The following BCAT1 variants were observed in gnomAD, a reference collection of about 807,000 sequenced individuals.
The protein encoded by BCAT1 is branched chain amino acid transaminase 1.
A neutral mutation model predicts 52.4 loss-of-function variants in BCAT1; 48 were observed. The ratio of observed to expected loss-of-function variants is 0.92; its 90% CI spans 0.73 to 1.16. The LOEUF is 1.16. Ranked by LOEUF, BCAT1 falls within the 50% of genes most tolerant of loss-of-function variation. The probability of loss-of-function intolerance (pLI) is 0.00; values close to 1 mark genes in which losing one functional copy is unlikely to be tolerated. For missense variants in BCAT1, 451 were observed against 457.1 expected (o/e 0.99, Z 0.12); for synonymous variants, 167 against 161.3 (o/e 1.04, Z -0.27).
intron 1 of BCAT1, chr12:24,902,402 C>T (rs1036684705): frequency 6.3e-6 from 7 of 1,105,314 alleles, no homozygotes; most frequent in Non-Finnish European, 7.7e-6. Context: ...CACCTTAAAC[C>T]TCATGGTATT....
At chr12:24,930,762 A>C (rs1232390361) in intron 1 of BCAT1, among the ~76,000 whole-genome samples, 1 of 151,958 alleles carries the variant, frequency 6.6e-6, no homozygotes, top group Admixed American at 6.6e-5. Context: ...TAAATTGGAG[A>C]TAAGTTAGAG....
intron 5 of BCAT1, among the ~76,000 whole-genome samples, chr12:24,873,367 G>A (rs1942237401): frequency 6.6e-6 from 1 of 152,106 alleles, no homozygotes; most frequent in South Asian, 2.1e-4. Context: ...TTAAAATGCT[G>A]CTATAATCCT....
At chr12:24,833,822 CTTT>C (rs745348842) in intron 8 of BCAT1, 4 of 137,784 alleles carry the variant, frequency 2.9e-5, no homozygotes, top group Non-Finnish European at 1.6e-5. Context: ...TTGTCTCTTT[CTTT>C]TTTTTTTTTT....
chr12:24,858,880 G>A (rs1188630264), intron 5 of BCAT1, among the ~76,000 whole-genome samples: 1 of 152,198 alleles, frequency 6.6e-6, no homozygotes, highest in Non-Finnish European at 1.5e-5. Context: ...AAAGCTAAAG[G>A]TTTGAGTAAG....
At chr12:24,946,949 A>G (rs1458669892) in intron 1 of BCAT1, among the ~76,000 whole-genome samples, 2 of 152,208 alleles carry the variant, frequency 1.3e-5, no homozygotes, top group East Asian at 3.8e-4. Flanking sequence ...TCTGAAATCC[A>G]GTGAAATTAC....
chr12:24,820,108 T>A (rs1220790893), intron 10 of BCAT1, among the ~76,000 whole-genome samples: 1 of 152,196 alleles, frequency 6.6e-6, no homozygotes, highest in Non-Finnish European at 1.5e-5. Flanking sequence ...TTAAAGTAAA[T>A]TTGCTTTCAA....
chr12:24,832,754 C>A lies in BCAT1; in HGVS notation c.1013G>T (p.Cys338Phe). The A allele has an allele frequency of 6.2e-7, 1 of 1,611,094 alleles. No individual in the cohort carries two copies. The highest frequency in any genetic ancestry group is 8.5e-7 in the Non-Finnish European group (1 of 1,178,536). The part of the protein sequence containing the change: ...MFGSGTACVV[C>F]PVSDILYKGE... ...TTTGTACAGTATATCAGAAACTGGGCAAACAACACAGGCTGTACCAGAGCC... is the reference window on the plus strand; with the variant it reads ...TTTGTACAGTATATCAGAAACTGGGAAAACAACACAGGCTGTACCAGAGCC... The change falls in exon 9 of 11, where the codon TGC (cysteine) becomes TTC (phenylalanine). Residue 338 changes from cysteine to phenylalanine, a missense_variant. Cys to Phe is a radical substitution (Grantham distance 205, BLOSUM62 -2). Coordinates refer to ENST00000261192, the MANE Select transcript of BCAT1 (RefSeq NM_005504.7).
At chr12:24,902,473 C>A in intron 1 of BCAT1, 3 of 459,700 alleles carry the variant, frequency 6.5e-6, no homozygotes, top group Non-Finnish European at 8.8e-6. Flanking sequence ...AACCTGCAGA[C>A]ATTTGTTTTA....
At chr12:24,891,834 C>G (rs945576868) in intron 3 of BCAT1, among the ~76,000 whole-genome samples, 2 of 151,568 alleles carry the variant, frequency 1.3e-5, no homozygotes, top group Non-Finnish European at 2.9e-5. Context: ...CTGCAAACTC[C>G]GCCTCCTGGG....
intron 1 of BCAT1, among the ~76,000 whole-genome samples, chr12:24,927,040 A>G (rs16928186): frequency 0.039 from 5,907 of 152,274 alleles, 126 homozygotes; most frequent in South Asian, 0.067. Flanking sequence ...AAACACATAT[A>G]ATCTCCAAAC....
intron 6 of BCAT1, 53 bp from the exon 7 acceptor site, chr12:24,842,277 T>A: frequency 6.3e-7 from 1 of 1,589,230 alleles, no homozygotes; most frequent in Non-Finnish European, 8.6e-7. Context: ...CCCCACTCCC[T>A]CATCTTCTAC....
chr12:24,810,836 T>G lies in BCAT1; in HGVS notation c.*7172A>C, dbSNP rs1365926629. The stretch of plus-strand genomic sequence containing the variant: ...ACAAAATGTGTGACCCTTGGGTAAT[T>G]CTGCACTTGGCTTTGTTCTCCCTTG... On this transcript the variant is annotated 3_prime_UTR_variant, in exon 11 of 11. Coordinates refer to ENST00000261192, the MANE Select transcript of BCAT1 (RefSeq NM_005504.7). 1 of 152,218 alleles carries G rather than the reference T, an allele frequency of 6.6e-6. No individual in the cohort carries two copies. The highest frequency in any genetic ancestry group is 2.4e-5 in the African/African-American group (1 of 41,462). 9.4% of individuals were successfully genotyped at this position (152,218 alleles called of 1,614,324 possible).
At chr12:24,820,026 T>A (rs7296211) in intron 10 of BCAT1, among the ~76,000 whole-genome samples, 111,602 of 152,142 alleles carry the variant, frequency 0.73, 41,039 homozygotes, top group East Asian at 0.87. Context: ...TTAATAACAG[T>A]TCATTGGCAT....
At chr12:24,924,135 A>T (rs1943544011) in intron 1 of BCAT1, among the ~76,000 whole-genome samples, 1 of 152,032 alleles carries the variant, frequency 6.6e-6, no homozygotes, top group Non-Finnish European at 1.5e-5. Context: ...TCCCTTTTCT[A>T]GAGTGAGAAG....
intron 5 of BCAT1, among the ~76,000 whole-genome samples, chr12:24,877,548 A>G (rs538342889): frequency 1.3e-5 from 2 of 152,326 alleles, no homozygotes; most frequent in South Asian, 4.1e-4. Flanking sequence ...CTACCATCCC[A>G]GCTCTTCAAT....
At chr12:24,820,901 G>C (rs1000836117) in intron 10 of BCAT1, among the ~76,000 whole-genome samples, 2 of 151,958 alleles carry the variant, frequency 1.3e-5, no homozygotes, top group African/African-American at 4.8e-5. Context: ...TCTACGCAAC[G>C]CCAATAAAAC....
intron 4 of BCAT1, among the ~76,000 whole-genome samples, chr12:24,878,959 C>T (rs1423666235): frequency 2.6e-5 from 4 of 151,922 alleles, no homozygotes; most frequent in Admixed American, 1.3e-4. Context: ...CTGATTTTCC[C>T]CCCAAAAATT....
intron 7 of BCAT1, among the ~76,000 whole-genome samples, chr12:24,838,853 AAAG>A (rs1169291329): frequency 4.6e-5 from 7 of 152,222 alleles, no homozygotes; most frequent in Non-Finnish European, 1.0e-4. Context: ...TGTTTTTGAC[AAAG>A]AAGTCATTTT....
intron 1 of BCAT1, 125 bp downstream of exon 1, chr12:24,948,802 G>T: frequency 9.8e-7 from 1 of 1,023,630 alleles, no homozygotes; most frequent in Non-Finnish European, 1.5e-6. Context: ...AGACGTTTGC[G>T]GGGGATATAA....
Sources: allele counts gnomAD v4.1 joint callset (sites outside exome capture counted in the v4.1 genomes callset), GRCh38; gene constraint gnomAD v4.1.1; transcripts MANE v1.5; gene names NCBI Gene and HGNC (gene_info 2026-07-23, HGNC 2026-07-21).